Variants in AGAP1 observed in about 807,000 individuals in gnomAD.
AGAP1 encodes ArfGAP with GTPase domain, ankyrin repeat and PH domain 1, also known as arf-GAP with GTPase, ANK repeat and PH domain-containing protein 1.
AGAP1 carries 29 observed loss-of-function variants against 105.3 expected under a neutral mutation model. The observed-to-expected ratio is 0.28, with a 90% CI of 0.21 to 0.38. The LOEUF (loss-of-function observed/expected upper bound fraction) is 0.38, where lower values mean the gene tolerates loss of function less well. Ranked by LOEUF, AGAP1 falls within the 10% of genes least tolerant of loss-of-function variation. The probability of loss-of-function intolerance (pLI) is 1.00; values close to 1 mark genes in which losing one functional copy is unlikely to be tolerated. For missense variants in AGAP1, 998 were observed against 1,165.1 expected (o/e 0.86, Z 2.09); for synonymous variants, 509 against 485.9 (o/e 1.05, Z -0.63).
chr2:236,018,348 G>A (rs1442483889), intron 13 of AGAP1, among the ~76,000 whole-genome samples: 2 of 152,224 alleles, frequency 1.3e-5, no homozygotes, highest in Non-Finnish European at 2.9e-5. Flanking sequence ...GAAAGTAAAT[G>A]TATTGGAGAA....
intron 15 of AGAP1, among the ~76,000 whole-genome samples, chr2:236,041,196 T>C (rs1432872438): frequency 6.6e-6 from 1 of 151,642 alleles, no homozygotes; most frequent in Non-Finnish European, 1.5e-5. Context: ...AACCCGTCTC[T>C]ACAGAAAATT....
At chr2:235,832,453 A>T (rs945550330) in intron 9 of AGAP1, among the ~76,000 whole-genome samples, 1 of 152,260 alleles carries the variant, frequency 6.6e-6, no homozygotes, top group African/African-American at 2.4e-5. Context: ...CTGAGTGAGC[A>T]CATCCTCAAA....
Position 235,693,615 on chromosome 2 carries a change from C to CAG in AGAP1, c.164-15564_164-15563insAG, listed in dbSNP as rs574665287. On this transcript the variant is annotated intron_variant, in intron 1 of 17. Transcript: ENST00000304032. ...GCTCACGGCTGTAGTCCTAGGTACT[C>CAG]GAAGCTGCGGCGGGAGGATCACGAG... Among the ~76,000 whole-genome samples the CAG allele has an allele frequency of 1.1e-3, 166 of 152,174 alleles. 1 individual carries two copies. The South Asian group carries it at 0.013, about 12-fold the overall frequency.
chr2:235,927,206 C>T lies in AGAP1; in HGVS notation c.1325-3559C>T, dbSNP rs551809620. Among the ~76,000 whole-genome samples the T allele has an allele frequency of 2.6e-5, 4 of 152,208 alleles. No homozygotes were observed. The highest frequency in any genetic ancestry group is 2.0e-4 in the Admixed American group (3 of 15,296). On this transcript the variant is annotated intron_variant, in intron 11 of 17. Transcript: ENST00000304032. The surrounding 1 kb of genome is among the most constrained non-coding windows in gnomAD (Gnocchi z 4.4). Reference sequence around the variant, plus strand: ...GAGCTATAGGGCTCTAAGAGTCTGCCGTCAGAAGGATTGTGGATAGCTGGT... The same window carrying T: ...GAGCTATAGGGCTCTAAGAGTCTGCTGTCAGAAGGATTGTGGATAGCTGGT...
Position 235,550,414 on chromosome 2 carries a change from C to T in AGAP1, c.163+55565C>T, listed in dbSNP as rs1943767031. The stretch of plus-strand genomic sequence containing the variant: ...CTGTTCGTCATTGGGAGTCACTGAG[C>T]ATGCACACGGGCTGTCAGGTCCTGG... On this transcript the variant is annotated intron_variant, in intron 1 of 17. Coordinates refer to ENST00000304032, the MANE Select transcript of AGAP1 (RefSeq NM_001037131.3). The surrounding 1 kb of genome is among the most constrained non-coding windows in gnomAD (Gnocchi z 4.6). 6.6e-6 allele frequency among the ~76,000 whole-genome samples: 1 copy of T among 152,230 alleles called. No homozygotes were observed. Among genetic ancestry groups the T allele is most frequent in the Admixed American group, 6.5e-5 (1 of 15,284 alleles).
At chr2:235,980,732 G>T (rs1039248171) in intron 13 of AGAP1, among the ~76,000 whole-genome samples, 1 of 152,138 alleles carries the variant, frequency 6.6e-6, no homozygotes, top group African/African-American at 2.4e-5. Flanking sequence ...TTGAGTGGTC[G>T]CTCCGTGTGA....
intron 16 of AGAP1, among the ~76,000 whole-genome samples, chr2:236,115,236 G>A (rs550116672): frequency 2.0e-5 from 3 of 152,196 alleles, no homozygotes; most frequent in Non-Finnish European, 4.4e-5. Flanking sequence ...CGTGACAGCC[G>A]CTGTTTGCAG....
At chr2:235,592,807 G>C (rs1482381445) in intron 1 of AGAP1, among the ~76,000 whole-genome samples, 2 of 152,182 alleles carry the variant, frequency 1.3e-5, no homozygotes, top group East Asian at 3.9e-4. Context: ...GAGAGTGCGG[G>C]GTGGCTGCTC....
chr2:235,703,913 G>C (rs1290885556), intron 1 of AGAP1, among the ~76,000 whole-genome samples: 2 of 152,168 alleles, frequency 1.3e-5, no homozygotes, highest in Non-Finnish European at 2.9e-5. Context: ...CTGATCTCAG[G>C]TGATCCACGC....
chr2:235,688,528 C>T (rs1323012811), intron 1 of AGAP1, among the ~76,000 whole-genome samples: 1 of 152,172 alleles, frequency 6.6e-6, no homozygotes, highest in African/African-American at 2.4e-5. Context: ...CAGATGTAAG[C>T]TGCTTTCAGA....
At chr2:235,914,860 A>G (rs74731667) in intron 11 of AGAP1, among the ~76,000 whole-genome samples, 3,057 of 152,296 alleles carry the variant, frequency 0.02, 116 homozygotes, top group African/African-American at 0.07. Context: ...CCTGCCACCA[A>G]CACCCCCAGG....
chr2:235,715,664 C>G (rs1951065483), intron 2 of AGAP1, among the ~76,000 whole-genome samples: 1 of 152,156 alleles, frequency 6.6e-6, no homozygotes, highest in South Asian at 2.1e-4. Flanking sequence ...GCCACTTTCT[C>G]ATGGTCACTT....
chr2:235,987,869 G>A (rs1039600011), intron 13 of AGAP1, among the ~76,000 whole-genome samples: 10 of 152,048 alleles, frequency 6.6e-5, no homozygotes, highest in African/African-American at 1.9e-4. Context: ...GTCCTCATCC[G>A]TTCATGCGTA....
chr2:235,714,431 TAGTA>T lies in AGAP1; in HGVS notation c.223-3123_223-3120del, dbSNP rs1950995702. 6.6e-6 allele frequency among the ~76,000 whole-genome samples: 1 copy of T among 151,832 alleles called. No individual in the cohort carries two copies. The highest frequency in any genetic ancestry group is 6.6e-5 in the Admixed American group (1 of 15,246). On this transcript the variant is annotated intron_variant, in intron 2 of 17. Coordinates refer to ENST00000304032, the MANE Select transcript of AGAP1 (RefSeq NM_001037131.3). This position sits in a 1 kb window ranked among gnomAD's most constrained non-coding sequence, Gnocchi z 4.1. ...TCAGAGGAGGTGACATCTGAACTGATAGTAAGAGTAGGTTTCGGGGAATGATTGA... is the reference window on the plus strand; with the variant it reads ...TCAGAGGAGGTGACATCTGAACTGATAGAGTAGGTTTCGGGGAATGATTGA...
rs2049821535 is a variant in AGAP1 at position 235,877,882 on chromosome 2, A to G, written c.1051-5463A>G. 6.6e-6 allele frequency among the ~76,000 whole-genome samples: 1 copy of G among 152,176 alleles called. No homozygotes were observed. The highest frequency in any genetic ancestry group is 1.5e-5 in the Non-Finnish European group (1 of 68,032). ...CTGGAAAGTGCTTCCGTCTTTTGCC[A>G]ACTTAAAATTTGTCCTCGCCAGGGG... On this transcript the variant is annotated intron_variant, in intron 9 of 17. Transcript: ENST00000304032. This position sits in a 1 kb window ranked among gnomAD's most constrained non-coding sequence, Gnocchi z 4.3.
At position 236,130,443 on chromosome 2, in the gene AGAP1, C is replaced by T. The variant is rs546051951; in HGVS notation, c.*6321C>T. ...GCATGAGTGTGTTGGGGAATCTTCCCAGTGGAGCAAACCCCCTTAACACAC... is the reference window on the plus strand; with the variant it reads ...GCATGAGTGTGTTGGGGAATCTTCCTAGTGGAGCAAACCCCCTTAACACAC... On this transcript the variant is annotated 3_prime_UTR_variant, in exon 18 of 18. Coordinates refer to ENST00000304032, the MANE Select transcript of AGAP1 (RefSeq NM_001037131.3). This position sits in a 1 kb window ranked among gnomAD's most constrained non-coding sequence, Gnocchi z 5.8. The T allele has an allele frequency of 6.6e-6, 1 of 152,260 alleles. No homozygotes were observed. The highest frequency in any genetic ancestry group is 2.4e-5 in the African/African-American group (1 of 41,534). 9.4% of individuals were successfully genotyped at this position (152,260 alleles called of 1,614,324 possible).
At chr2:235,941,747 G>A (rs556031587) in intron 12 of AGAP1, among the ~76,000 whole-genome samples, 1 of 152,248 alleles carries the variant, frequency 6.6e-6, no homozygotes, top group African/African-American at 2.4e-5. Context: ...GGACACATCA[G>A]TTGATCCAAT....
chr2:235,849,778 T>C (rs908450), intron 9 of AGAP1, among the ~76,000 whole-genome samples: 88,219 of 151,956 alleles, frequency 0.58, 25,927 homozygotes, highest in East Asian at 0.81. Flanking sequence ...GGCCTTTCCC[T>C]GCTCCACCGT....
chr2:235,829,516 T>A (rs1370911357), intron 9 of AGAP1, among the ~76,000 whole-genome samples: 2 of 152,216 alleles, frequency 1.3e-5, no homozygotes, highest in African/African-American at 4.8e-5. Flanking sequence ...GTATACTGAA[T>A]TGCCACTAGA....
Sources: allele counts gnomAD v4.1 joint callset (sites outside exome capture counted in the v4.1 genomes callset), GRCh38; gene constraint gnomAD v4.1.1; non-coding constraint Gnocchi (gnomAD v3.1); transcripts MANE v1.5; gene names NCBI Gene and HGNC (gene_info 2026-07-23, HGNC 2026-07-21).